The following AVL9 variants were observed in gnomAD, a reference collection of about 807,000 sequenced individuals.
AVL9 encodes the protein AVL9 cell migration associated, also known as late secretory pathway protein AVL9 homolog.
A neutral mutation model predicts 79.2 loss-of-function variants in AVL9; 49 were observed. The observed-to-expected ratio is 0.62, with a 90% CI of 0.49 to 0.79. The LOEUF (loss-of-function observed/expected upper bound fraction) is 0.79, where lower values mean the gene tolerates loss of function less well. Among genes scored for constraint, AVL9 ranks in the 30% least tolerant of loss-of-function variants. The probability of loss-of-function intolerance (pLI) is 0.00; values close to 1 mark genes in which losing one functional copy is unlikely to be tolerated. For missense variants in AVL9, 682 were observed against 776.8 expected (o/e 0.88, Z 1.45); for synonymous variants, 299 against 280.6 (o/e 1.07, Z -0.65).
rs1791769211 is a variant in AVL9 at position 32,586,224 on chromosome 7, T to TAACA, written c.*2318_*2321dup. The TAACA allele has an allele frequency of 6.6e-6, 1 of 152,244 alleles. No homozygotes were observed. The highest frequency in any genetic ancestry group is 2.1e-4 in the South Asian group (1 of 4,836). The allele number at this position is 152,244 out of a possible 1,614,324, so 9.4% of individuals were successfully genotyped here. ...TATACACTTTGATCGGACTTTCTAT[T>TAACA]AACATTTCTAGCTAAGAGTTTGACT... On this transcript the variant is annotated 3_prime_UTR_variant, in exon 16 of 16. Coordinates refer to ENST00000318709, the MANE Select transcript of AVL9 (RefSeq NM_015060.3).
chr7:32,586,691 G>A lies in AVL9; in HGVS notation c.*2784G>A, dbSNP rs1791805297. 6.6e-6 allele frequency: 1 copy of A among 152,140 alleles called. No individual in the cohort carries two copies. Among genetic ancestry groups the A allele is most frequent in the Non-Finnish European group, 1.5e-5 (1 of 68,038 alleles). The allele number at this position is 152,140 out of a possible 1,614,324, so 9.4% of individuals were successfully genotyped here. ...TTGTACCTAGGTGTGAGGGAACCAG[G>A]GTCAGCCAGCCTTTTTCAGATGGCG... On this transcript the variant is annotated 3_prime_UTR_variant, in exon 16 of 16. Transcript: ENST00000318709.
intron 10 of AVL9, among the ~76,000 whole-genome samples, chr7:32,567,077 T>A (rs1306314247): frequency 3.3e-5 from 5 of 152,192 alleles, no homozygotes; most frequent in Non-Finnish European, 7.3e-5. Context: ...AATTTATAAT[T>A]CTCTTAAGTT....
intron 1 of AVL9, among the ~76,000 whole-genome samples, chr7:32,525,788 G>A (rs1236504353): frequency 6.6e-6 from 1 of 152,040 alleles, no homozygotes; most frequent in Non-Finnish European, 1.5e-5. Context: ...TACTTTCAAG[G>A]AAACCAAACC....
chr7:32,538,818 G>A (rs1789037943), intron 1 of AVL9: 1 of 152,182 alleles, frequency 6.6e-6, no homozygotes, highest in African/African-American at 2.4e-5. Context: ...TCTCATGCAG[G>A]AAAGAATTCA....
At chr7:32,510,949 C>T (rs1025405906) in intron 1 of AVL9, among the ~76,000 whole-genome samples, 2 of 143,122 alleles carry the variant, frequency 1.4e-5, no homozygotes, top group South Asian at 2.2e-4. Context: ...ATTTGTGAGC[C>T]GTCAGGTCTG....
intron 12 of AVL9, among the ~76,000 whole-genome samples, chr7:32,573,995 A>G (rs986809759): frequency 6.6e-6 from 1 of 152,200 alleles, no homozygotes; most frequent in African/African-American, 2.4e-5. Flanking sequence ...TCCTTGGGAA[A>G]GAAATATATA....
At chr7:32,575,614 A>G (rs1791059674) in intron 12 of AVL9, among the ~76,000 whole-genome samples, 2 of 152,214 alleles carry the variant, frequency 1.3e-5, no homozygotes, top group African/African-American at 2.4e-5. Flanking sequence ...ACTGTCAAGC[A>G]TACAGTTTTT....
At chr7:32,508,735 A>G (rs979518871) in intron 1 of AVL9, among the ~76,000 whole-genome samples, 3 of 152,240 alleles carry the variant, frequency 2.0e-5, no homozygotes, top group African/African-American at 4.8e-5. Flanking sequence ...GAATATAAAG[A>G]CAGTCCTATC....
At chr7:32,577,262 G>A (rs914817246) in intron 13 of AVL9, among the ~76,000 whole-genome samples, 7 of 152,086 alleles carry the variant, frequency 4.6e-5, no homozygotes, top group Non-Finnish European at 1.0e-4. Context: ...TTGAACCCAC[G>A]GTTTCGAGGC....
intron 1 of AVL9, among the ~76,000 whole-genome samples, chr7:32,497,662 T>G (rs935383650): frequency 2.6e-5 from 4 of 151,450 alleles, no homozygotes; most frequent in Non-Finnish European, 5.9e-5. Context: ...TCTTTTTTTT[T>G]TTTTTTTTCT....
At chr7:32,501,256 T>C (rs1787116030) in intron 1 of AVL9, among the ~76,000 whole-genome samples, 1 of 152,234 alleles carries the variant, frequency 6.6e-6, no homozygotes, top group Non-Finnish European at 1.5e-5. Context: ...GCAACTGCTA[T>C]TAATGAAATC....
At chr7:32,554,125 C>T (rs1789959485) in intron 7 of AVL9, among the ~76,000 whole-genome samples, 1 of 152,052 alleles carries the variant, frequency 6.6e-6, no homozygotes, top group Non-Finnish European at 1.5e-5. Flanking sequence ...GAGCATTTTT[C>T]AATAAAACAT....
Position 32,510,605 on chromosome 7 carries a change from A to G in AVL9, c.93+14803A>G, listed in dbSNP as rs187761678. Among the ~76,000 whole-genome samples the G allele has an allele frequency of 2.2e-3, 311 of 140,112 alleles. 4 individuals carry two copies. The highest frequency in any genetic ancestry group is 7.8e-3 in the African/African-American group (291 of 37,414). 91.9% of individuals were successfully genotyped at this position (140,112 alleles called of 152,430 possible). On this transcript the variant is annotated intron_variant, in intron 1 of 15. Transcript: ENST00000318709. ...CCGTCAGGTCTGGTTGTAGGAGTCC[A>G]CAGTCCTGGCACTTCTGAACTGCCC...
chr7:32,566,295 G>T, intron 10 of AVL9, among the ~76,000 whole-genome samples: 1 of 146,118 alleles, frequency 6.8e-6, no homozygotes, highest in East Asian at 2.1e-4. Flanking sequence ...TCCCACCACA[G>T]CCTCCCAAGT....
rs1791805641 is a variant in AVL9, at chr7:32,586,697, C to T, written c.*2790C>T. The stretch of plus-strand genomic sequence containing the variant: ...CTAGGTGTGAGGGAACCAGGGTCAG[C>T]CAGCCTTTTTCAGATGGCGCCAGGC... On this transcript the variant is annotated 3_prime_UTR_variant, in exon 16 of 16. Transcript: ENST00000318709. 1 of 152,196 alleles carries T rather than the reference C, an allele frequency of 6.6e-6. No homozygotes were observed. Among genetic ancestry groups the T allele is most frequent in the Admixed American group, 6.5e-5 (1 of 15,278 alleles). The allele number at this position is 152,196 out of a possible 1,614,324, so 9.4% of individuals were successfully genotyped here.
At chr7:32,526,642 A>C (rs1347665053) in intron 1 of AVL9, among the ~76,000 whole-genome samples, 3 of 152,116 alleles carry the variant, frequency 2.0e-5, no homozygotes, top group African/African-American at 7.2e-5. Context: ...AACCCTTCCC[A>C]GTTTGGAGGG....
chr7:32,508,362 A>G (rs768565727), intron 1 of AVL9, among the ~76,000 whole-genome samples: 25 of 152,260 alleles, frequency 1.6e-4, no homozygotes, highest in Admixed American at 2.6e-4. Context: ...AGTGAGCTGC[A>G]TACATAATTT....
intron 3 of AVL9, among the ~76,000 whole-genome samples, chr7:32,545,179 C>T (rs1583552243): frequency 6.6e-6 from 1 of 150,880 alleles, no homozygotes; most frequent in Non-Finnish European, 1.5e-5. Context: ...TGCTATTTTG[C>T]CCAGGCTGGT....
intron 3 of AVL9, among the ~76,000 whole-genome samples, chr7:32,548,145 T>TGTC (rs1327421254): frequency 1.3e-4 from 15 of 117,560 alleles, no homozygotes; most frequent in African/African-American, 4.8e-4. Flanking sequence ...TTGTCATCTC[T>TGTC]TTTTTCTTTT....
Sources: gnomAD v4.1 joint callset for allele counts (sites outside exome capture counted in the v4.1 genomes callset) on GRCh38, gnomAD v4.1.1 for gene constraint, MANE v1.5 for transcripts, NCBI Gene and HGNC (gene_info 2026-07-23, HGNC 2026-07-21) for gene names.